The following KMT2E variants were observed in gnomAD, a reference collection of about 807,000 sequenced individuals.
KMT2E encodes the protein lysine methyltransferase 2E (inactive).
A neutral mutation model predicts 184.6 loss-of-function variants in KMT2E; 30 were observed. The observed-to-expected ratio is 0.16, with a 90% CI of 0.12 to 0.22. The LOEUF (loss-of-function observed/expected upper bound fraction) is 0.22, where lower values mean the gene tolerates loss of function less well. Ranked by LOEUF, KMT2E falls within the 10% of genes least tolerant of loss-of-function variation. KMT2E has a pLI of 1.00. For synonymous variants in KMT2E, 815 were observed against 776.5 expected, an observed-to-expected ratio of 1.05 and a Z score of -0.82; for missense variants, 2,023 against 2,237.4, an observed-to-expected ratio of 0.90 and a Z score of 1.93.
At chr7:105,071,429 C>T (rs1300821859) in intron 6 of KMT2E, among the ~76,000 whole-genome samples, 4 of 148,958 alleles carry the variant, frequency 2.7e-5, no homozygotes, top group East Asian at 2.0e-4. Context: ...TGCAGTGGTA[C>T]GATCTCGGCT....
At chr7:105,081,049 T>C (rs1166224707) in intron 12 of KMT2E, among the ~76,000 whole-genome samples, 1 of 151,032 alleles carries the variant, frequency 6.6e-6, no homozygotes, top group Admixed American at 6.6e-5. Flanking sequence ...CCACCAGTTA[T>C]AAGACTCCTG....
chr7:105,041,392 G>T (rs1795874378), intron 3 of KMT2E, among the ~76,000 whole-genome samples: 1 of 152,064 alleles, frequency 6.6e-6, no homozygotes, highest in African/African-American at 2.4e-5. Flanking sequence ...TAATTTGTTG[G>T]TGCTTGGGTT....
intron 23 of KMT2E, 81 bp from the exon 24 acceptor site, chr7:105,110,199 C>T: frequency 9.2e-7 from 1 of 1,088,598 alleles, no homozygotes; most frequent in Non-Finnish European, 1.4e-6. Flanking sequence ...CTTGGTCTGA[C>T]AGTACATGTT....
At chr7:105,096,247 C>CAAAAAAAA (rs11330758) in intron 15 of KMT2E, among the ~76,000 whole-genome samples, 1 of 69,266 alleles carries the variant, frequency 1.4e-5, no homozygotes, top group Non-Finnish European at 2.8e-5. Flanking sequence ...GTGAAAGGCT[C>CAAAAAAAA]AAAAAAAAAA....
In KMT2E at chr7:105,014,425, G is replaced by C. The variant is rs1428655112; in HGVS notation, c.-299G>C. ...GAGGGGGTGTGTGGAGCCGGGTCCT[G>C]TGTCCGCAGTGGCTGCTGTCGGGGG... On this transcript the variant is annotated 5_prime_UTR_variant, in exon 1 of 27. Coordinates refer to ENST00000311117, the MANE Select transcript of KMT2E (RefSeq NM_182931.3). The C allele has an allele frequency of 6.5e-6, 1 of 153,540 alleles. No individual in the cohort carries two copies. The highest frequency in any genetic ancestry group is 6.5e-5 in the Admixed American group (1 of 15,288). 9.5% of individuals were successfully genotyped at this position (153,540 alleles called of 1,614,324 possible).
chr7:105,105,500 T>C lies in KMT2E; in HGVS notation c.2258T>C (p.Leu753Pro). Reference sequence around the variant, plus strand: ...AAGACAGGAAAACCTTCAGATGGCCTTTCAGAAAGGCCTCTACGCATAACT... The same window carrying C: ...AAGACAGGAAAACCTTCAGATGGCCCTTCAGAAAGGCCTCTACGCATAACT... ...NEKTGKPSDG[L>P]SERPLRITTD... Residue 753 changes from leucine to proline, a missense_variant, in exon 18 of 27, where the codon CTT becomes CCT. Transcript: ENST00000311117. 1 of 1,612,036 alleles carries C rather than the reference T, an allele frequency of 6.2e-7. No individual in the cohort carries two copies. The highest frequency in any genetic ancestry group is 8.5e-7 in the Non-Finnish European group (1 of 1,179,454).
At chr7:105,028,500 T>C (rs1221005394) in intron 1 of KMT2E, among the ~76,000 whole-genome samples, 1 of 151,566 alleles carries the variant, frequency 6.6e-6, no homozygotes, top group Non-Finnish European at 1.5e-5. Flanking sequence ...TTTTCCTCTT[T>C]CTTGCTTTTT....
At chr7:105,096,852 C>T (rs1372952423) in intron 15 of KMT2E, among the ~76,000 whole-genome samples, 5 of 152,190 alleles carry the variant, frequency 3.3e-5, no homozygotes. Flanking sequence ...GGCTTTCATC[C>T]TTCACATCAA....
chr7:105,105,312 TATGA>T (rs1798851988), intron 17 of KMT2E, 123 bp from the exon 18 acceptor site: 13 of 648,654 alleles, frequency 2.0e-5, no homozygotes, highest in Non-Finnish European at 3.0e-5. Flanking sequence ...TTTGATCACA[TATGA>T]ATGATTTAAA....
intron 9 of KMT2E, 89 bp from the exon 10 acceptor site, chr7:105,076,873 TG>T (rs1036183715): frequency 0.023 from 51 of 2,246 alleles, no homozygotes; most frequent in East Asian, 0.13. Flanking sequence ...CCGTTAATTT[TG>T]TGTGTGTGTG....
rs529117650 is a variant in KMT2E, at chr7:105,062,173, C to T, written c.81C>T (p.Ser27=). 36 of 1,609,920 alleles carry T rather than the reference C, an allele frequency of 2.2e-5. No individual in the cohort carries two copies. The highest frequency in any genetic ancestry group is 6.7e-5 in the East Asian group (3 of 44,788). Residue 27 remains serine, a synonymous_variant, in exon 4 of 27, where the codon TCC becomes TCT. Coordinates refer to ENST00000311117, the MANE Select transcript of KMT2E (RefSeq NM_182931.3). The stretch of plus-strand genomic sequence containing the variant: ...AACTTTTTCCCCCCAGACCAGAATC[C>T]GTAGAAGCTAGCCCTGTGGTAGTTG... The part of the protein sequence containing the change: ...LEMAAGSEPE[S]VEASPVVVEK...
intron 15 of KMT2E, among the ~76,000 whole-genome samples, chr7:105,092,413 G>C (rs893072091): frequency 6.6e-6 from 1 of 151,916 alleles, no homozygotes; most frequent in Admixed American, 6.6e-5. Flanking sequence ...AAAAAAAAAA[G>C]TTTGGTCATT....
chr7:105,035,324 G>A (rs897511261), intron 1 of KMT2E, among the ~76,000 whole-genome samples: 9 of 151,010 alleles, frequency 6.0e-5, no homozygotes, highest in Admixed American at 2.6e-4. Flanking sequence ...GAGCCACTGC[G>A]CCTGGCCTAA....
chr7:105,066,276 T>C (rs752024529), intron 5 of KMT2E, among the ~76,000 whole-genome samples: 1 of 152,178 alleles, frequency 6.6e-6, no homozygotes, highest in Non-Finnish European at 1.5e-5. Flanking sequence ...TGAATATTTC[T>C]CTTCATATAT....
At chr7:105,092,716 G>C (rs76311608) in intron 15 of KMT2E, among the ~76,000 whole-genome samples, 1 of 152,230 alleles carries the variant, frequency 6.6e-6, no homozygotes, top group East Asian at 1.9e-4. Flanking sequence ...GCTCTTTATT[G>C]AGTATTGATT....
intron 3 of KMT2E, among the ~76,000 whole-genome samples, chr7:105,048,784 A>G (rs1189174837): frequency 1.3e-5 from 2 of 152,248 alleles, no homozygotes; most frequent in Non-Finnish European, 2.9e-5. Context: ...AATGGACATG[A>G]CAGTGTTCCG....
rs141446796 is a variant in KMT2E, at chr7:105,108,098, A to G, written c.3468+173A>G. On this transcript the variant is annotated intron_variant, in intron 22 of 26. Transcript: ENST00000311117. ...ATGCTGGCTTAATTAGAAAATGTTT[A>G]CAGAAAAGTAAAAAAATTCTAGTAA... Among the ~76,000 whole-genome samples the G allele has an allele frequency of 2.3e-3, 351 of 152,186 alleles. 1 individual carries two copies. Among genetic ancestry groups the G allele is most frequent in the African/African-American group, 8.1e-3 (337 of 41,526 alleles).
At chr7:105,072,587 G>T (rs1797368044) in intron 6 of KMT2E, among the ~76,000 whole-genome samples, 1 of 152,150 alleles carries the variant, frequency 6.6e-6, no homozygotes, top group Non-Finnish European at 1.5e-5. Context: ...TACTATGGAT[G>T]ATGTAGTTCA....
In KMT2E at chr7:105,022,777, A is replaced by G. The variant is rs147070153; in HGVS notation, c.-189+8242A>G. Among the ~76,000 whole-genome samples the G allele has an allele frequency of 3.9e-5, 6 of 152,276 alleles. No individual in the cohort carries two copies. The East Asian group carries it at 1.2e-3, about 29-fold the overall frequency. ...TTTCTTCTTTTCTTTACTTGGGTACATACATACACATATACACCAGGGTTT... is the reference window on the plus strand; with the variant it reads ...TTTCTTCTTTTCTTTACTTGGGTACGTACATACACATATACACCAGGGTTT... On this transcript the variant is annotated intron_variant, in intron 1 of 26. Coordinates refer to ENST00000311117, the MANE Select transcript of KMT2E (RefSeq NM_182931.3).
Sources: allele counts gnomAD v4.1 joint callset (sites outside exome capture counted in the v4.1 genomes callset), GRCh38; gene constraint gnomAD v4.1.1; transcripts MANE v1.5; gene names NCBI Gene and HGNC (gene_info 2026-07-23, HGNC 2026-07-21).